PTPRE: variants seen among roughly 807,000 people sequenced by gnomAD.
PTPRE encodes the protein protein tyrosine phosphatase receptor type E.
In PTPRE, 51 loss-of-function variants were observed where a neutral mutation model predicts 102.0. The ratio of observed to expected loss-of-function variants is 0.50; its 90% confidence interval spans 0.40 to 0.63. The LOEUF (loss-of-function observed/expected upper bound fraction) is 0.63. Ranked by LOEUF, PTPRE falls within the 30% of genes least tolerant of loss-of-function variation. The pLI is 0.00. For synonymous variants in PTPRE, 345 were observed against 348.2 expected (o/e 0.99, Z 0.10); for missense variants, 752 against 915.1 (o/e 0.82, Z 2.30).
chr10:127,955,917 C>T (rs992985795), intron 1 of PTPRE, among the ~76,000 whole-genome samples: 3 of 152,098 alleles, frequency 2.0e-5, no homozygotes, highest in Admixed American at 6.5e-5. Flanking sequence ...CATCAGATCT[C>T]GTGAGAACTC....
intron 9 of PTPRE, among the ~76,000 whole-genome samples, chr10:128,062,531 TC>T (rs1272768945): frequency 1.9e-4 from 29 of 151,994 alleles, no homozygotes; most frequent in African/African-American, 3.9e-4. Context: ...TCCCCGCCCA[TC>T]CCCCTCAGCA....
At chr10:127,930,061 C>CAAAA (rs941241176) in intron 1 of PTPRE, among the ~76,000 whole-genome samples, 38 of 71,968 alleles carry the variant, frequency 5.3e-4, no homozygotes, top group Non-Finnish European at 6.2e-4. Flanking sequence ...GATTCCATCT[C>CAAAA]AAAAAAAAAA....
intron 2 of PTPRE, among the ~76,000 whole-genome samples, chr10:128,029,972 C>T (rs1444506686): frequency 6.6e-6 from 1 of 152,228 alleles, no homozygotes; most frequent in Non-Finnish European, 1.5e-5. Flanking sequence ...CATCCCCCCA[C>T]CAATCATCAC....
At chr10:127,991,604 C>A (rs1487528177) in intron 2 of PTPRE, among the ~76,000 whole-genome samples, 2 of 152,182 alleles carry the variant, frequency 1.3e-5, no homozygotes, top group Non-Finnish European at 2.9e-5. Flanking sequence ...AAATATTTTC[C>A]AAAGTTGTGC....
chr10:127,978,455 G>A (rs1381832760), intron 1 of PTPRE, among the ~76,000 whole-genome samples: 1 of 152,036 alleles, frequency 6.6e-6, no homozygotes, highest in Admixed American at 6.5e-5. Flanking sequence ...GCAGAAAGAC[G>A]GCTTGAGCCC....
rs565591863 is a variant in PTPRE at position 127,911,554 on chromosome 10, C to T, written c.-31+4245C>T. On this transcript the variant is annotated intron_variant, in intron 1 of 20. Coordinates refer to ENST00000254667, the MANE Select transcript of PTPRE (RefSeq NM_006504.6). ...CCTACCCTAGAAACTCTCAGAACTT[C>T]ACTTTGCTTATCCAAAGAAAGGGGC... Among the ~76,000 whole-genome samples, 5 of 152,344 alleles carry T rather than the reference C, an allele frequency of 3.3e-5. No homozygotes were observed. In the South Asian group the frequency reaches 1.0e-3, roughly 32 times the overall value.
intron 6 of PTPRE, among the ~76,000 whole-genome samples, chr10:128,053,032 T>G (rs1185326009): frequency 6.6e-6 from 1 of 152,182 alleles, no homozygotes; most frequent in East Asian, 1.9e-4. Flanking sequence ...GCAGATCATT[T>G]GAGCCCAGTA....
At chr10:128,042,758 C>G (rs1847812369) in intron 3 of PTPRE, among the ~76,000 whole-genome samples, 1 of 152,126 alleles carries the variant, frequency 6.6e-6, no homozygotes. Context: ...AAAATATATT[C>G]AGTACTCATG....
rs1846469534 is a variant in PTPRE at position 128,028,727 on chromosome 10, A to G, written c.-7-12148A>G. On this transcript the variant is annotated intron_variant, in intron 2 of 20. Coordinates refer to ENST00000254667, the MANE Select transcript of PTPRE (RefSeq NM_006504.6). This position sits in a 1 kb window ranked among gnomAD's most constrained non-coding sequence, Gnocchi z 4.5. Reference sequence around the variant, plus strand: ...ATTCCCAGAACACGAAGCCAAGGCCAGGAGTCGGGATCTGCTCCCAGGAAG... The same window carrying G: ...ATTCCCAGAACACGAAGCCAAGGCCGGGAGTCGGGATCTGCTCCCAGGAAG... Among the ~76,000 whole-genome samples, 1 of 152,084 alleles carries G rather than the reference A, an allele frequency of 6.6e-6. No homozygotes were observed. The highest frequency in any genetic ancestry group is 1.5e-5 in the Non-Finnish European group (1 of 68,004).
At chr10:127,934,885 G>A (rs2275805) in intron 1 of PTPRE, 78,367 of 152,158 alleles carry the variant, frequency 0.52, 22,660 homozygotes, top group African/African-American at 0.79. Context: ...TTAAGGCTCC[G>A]GCTCTGGGGG....
chr10:128,077,049 C>A (rs1851266547), intron 18 of PTPRE, among the ~76,000 whole-genome samples: 1 of 152,172 alleles, frequency 6.6e-6, no homozygotes, highest in African/African-American at 2.4e-5. Context: ...TCAGAGCCCC[C>A]CAACTGTCCC....
rs574085020 is a variant in PTPRE at position 127,992,590 on chromosome 10, G to A, written c.-8+10294G>A. Among the ~76,000 whole-genome samples the A allele has an allele frequency of 3.9e-5, 6 of 152,214 alleles. No homozygotes were observed. The East Asian group carries it at 1.2e-3, about 30-fold the overall frequency. On this transcript the variant is annotated intron_variant, in intron 2 of 20. Coordinates refer to ENST00000254667, the MANE Select transcript of PTPRE (RefSeq NM_006504.6). Reference sequence around the variant, plus strand: ...CTGCTCACCAACGCTCCTGGGCCTCGGGGCACTCAGGAAACACCCGAGTTA... The same window carrying A: ...CTGCTCACCAACGCTCCTGGGCCTCAGGGCACTCAGGAAACACCCGAGTTA...
At chr10:128,002,169 G>T (rs1352471350) in intron 2 of PTPRE, among the ~76,000 whole-genome samples, 1 of 152,216 alleles carries the variant, frequency 6.6e-6, no homozygotes, top group Non-Finnish European at 1.5e-5. Flanking sequence ...CAGAGCCTAT[G>T]TGTCTGTGGA....
chr10:127,993,786 T>TGTGTGTGTGTGC (rs1359735793), intron 2 of PTPRE, among the ~76,000 whole-genome samples: 52 of 151,644 alleles, frequency 3.4e-4, no homozygotes, highest in African/African-American at 1.2e-3. Flanking sequence ...TGTGTGTGTG[T>TGTGTGTGTGTGC]GCGTGTGTGT....
chr10:127,992,281 C>T (rs72847315), intron 2 of PTPRE, among the ~76,000 whole-genome samples: 11,020 of 152,136 alleles, frequency 0.072, 536 homozygotes, highest in Admixed American at 0.11. Context: ...TAAGCAACCA[C>T]GTGGGGGTCA....
chr10:127,963,879 G>T (rs963764159), intron 1 of PTPRE, among the ~76,000 whole-genome samples: 1 of 152,198 alleles, frequency 6.6e-6, no homozygotes, highest in African/African-American at 2.4e-5. Flanking sequence ...CCAAGGCAGT[G>T]GTCTTCAGCC....
At chr10:128,025,213 A>C (rs1474653237) in intron 2 of PTPRE, among the ~76,000 whole-genome samples, 6 of 151,732 alleles carry the variant, frequency 4.0e-5, no homozygotes, top group Admixed American at 3.9e-4. Flanking sequence ...TGAATTATGA[A>C]GCATTGTTAA....
At chr10:128,006,027 G>A (rs868054402) in intron 2 of PTPRE, among the ~76,000 whole-genome samples, 2 of 152,102 alleles carry the variant, frequency 1.3e-5, no homozygotes, top group Non-Finnish European at 2.9e-5. Flanking sequence ...CATTGGATTA[G>A]GGTCCACCCT....
intron 1 of PTPRE, among the ~76,000 whole-genome samples, chr10:127,920,809 T>C (rs1846541859): frequency 1.3e-5 from 2 of 152,242 alleles, no homozygotes; most frequent in South Asian, 4.1e-4. Context: ...TGGATCCACA[T>C]GGCCAGATGT....
Sources: gnomAD v4.1 joint callset for allele counts (sites outside exome capture counted in the v4.1 genomes callset) on GRCh38, gnomAD v4.1.1 for gene constraint, Gnocchi (gnomAD v3.1) non-coding constraint, MANE v1.5 for transcripts, NCBI Gene and HGNC (gene_info 2026-07-23, HGNC 2026-07-21) for gene names.